DDX60: variants seen among roughly 807,000 people sequenced by gnomAD.
DDX60 encodes the protein probable ATP-dependent RNA helicase DDX60.
A neutral mutation model predicts 212.8 loss-of-function variants in DDX60; 165 were observed. The ratio of observed to expected loss-of-function variants is 0.78; its 90% confidence interval spans 0.68 to 0.88. The LOEUF (loss-of-function observed/expected upper bound fraction) is 0.88. DDX60 is among the 40% of genes least tolerant of loss of function. The probability of loss-of-function intolerance (pLI) is 0.00; values close to 1 mark genes in which losing one functional copy is unlikely to be tolerated. For missense variants in DDX60, 1,905 were observed against 2,003.9 expected (o/e 0.95, Z 0.94); for synonymous variants, 703 against 685.3 (o/e 1.03, Z -0.40).
intron 26 of DDX60, 85 bp downstream of exon 26, chr4:168,255,626 A>G: frequency 8.4e-7 from 1 of 1,197,566 alleles, no homozygotes. Context: ...ACTTATTTAT[A>G]GAACATATTC....
intron 29 of DDX60, among the ~76,000 whole-genome samples, chr4:168,247,392 AG>A (rs1734058704): frequency 6.6e-6 from 1 of 152,190 alleles, no homozygotes; most frequent in Admixed American, 6.5e-5. Context: ...AATAAAAAGC[AG>A]GGGTTGTTAA....
At chr4:168,227,447 C>T (rs1733296692) in intron 33 of DDX60, among the ~76,000 whole-genome samples, 1 of 151,884 alleles carries the variant, frequency 6.6e-6, no homozygotes, top group Admixed American at 6.6e-5. Context: ...TGCTTTTACT[C>T]CCTTATTCTT....
At chr4:168,307,927 G>GA in intron 4 of DDX60, 79 bp downstream of exon 4, 1 of 821,916 alleles carries the variant, frequency 1.2e-6, no homozygotes, top group Non-Finnish European at 1.7e-6. Context: ...TTTGTAATAA[G>GA]AAAAATATAT....
At chr4:168,296,897 G>A (rs1324161487) in intron 6 of DDX60, among the ~76,000 whole-genome samples, 3 of 141,482 alleles carry the variant, frequency 2.1e-5, no homozygotes, top group East Asian at 2.0e-4. Context: ...TTTTTGAGGC[G>A]GAGTCTCACT....
intron 20 of DDX60, among the ~76,000 whole-genome samples, 197 bp downstream of exon 20, chr4:168,268,657 A>G (rs1734954851): frequency 6.8e-6 from 1 of 146,410 alleles, no homozygotes; most frequent in Admixed American, 6.8e-5. Flanking sequence ...TAGGTGGGGA[A>G]GTCCTTAATT....
intron 6 of DDX60, among the ~76,000 whole-genome samples, chr4:168,298,354 AAAAC>A (rs142470605): frequency 0.034 from 5,182 of 152,280 alleles, 175 homozygotes; most frequent in African/African-American, 0.085. Flanking sequence ...ACACACAACT[AAAAC>A]AAAGTGATTC....
chr4:168,311,538 G>A (rs910406554), intron 1 of DDX60, among the ~76,000 whole-genome samples, 173 bp from the exon 2 acceptor site: 3 of 152,068 alleles, frequency 2.0e-5, no homozygotes, highest in African/African-American at 7.2e-5. Context: ...TAGAAACAAT[G>A]GAACATTGCA....
intron 3 of DDX60, among the ~76,000 whole-genome samples, chr4:168,310,620 G>A (rs993820531): frequency 6.6e-6 from 1 of 152,074 alleles, no homozygotes; most frequent in Non-Finnish European, 1.5e-5. Context: ...GATAGGATGG[G>A]TGCAAACTTC....
intron 33 of DDX60, 80 bp from the exon 34 acceptor site, chr4:168,225,756 GAACATTGC>G: frequency 1.5e-6 from 2 of 1,302,324 alleles, no homozygotes; most frequent in Non-Finnish European, 2.1e-6. Flanking sequence ...GAAAGGTAAA[GAACATTGC>G]AATATAATTC....
chr4:168,305,391 T>C (rs997650610), intron 5 of DDX60, among the ~76,000 whole-genome samples: 5 of 152,168 alleles, frequency 3.3e-5, no homozygotes, highest in Non-Finnish European at 7.4e-5. Flanking sequence ...CAGTGACAAA[T>C]GTTAATTGTC....
chr4:168,231,136 T>G (rs1240149795), intron 33 of DDX60, among the ~76,000 whole-genome samples: 1 of 151,634 alleles, frequency 6.6e-6, no homozygotes, highest in Admixed American at 6.6e-5. Context: ...AATATACAAA[T>G]CTCCTAGATT....
At chr4:168,221,011 A>C (rs1299032655) in intron 36 of DDX60, among the ~76,000 whole-genome samples, 1 of 152,180 alleles carries the variant, frequency 6.6e-6, no homozygotes, top group Non-Finnish European at 1.5e-5. Flanking sequence ...TTGGAACTAG[A>C]GACTCAAAAG....
the DDX60 span, among the ~76,000 whole-genome samples, chr4:168,325,215 G>C: frequency 6.6e-6 from 1 of 152,098 alleles, no homozygotes; most frequent in African/African-American, 2.4e-5. Flanking sequence ...TTTTAGTTTT[G>C]ATTTTTCTCT....
rs58664687 is a variant in DDX60 at position 168,292,049 on chromosome 4, C to CTTTCCT, written c.883-144_883-143insAGGAAA. ...CCTTTCTTTCTTTCTTTCTTTCTTT[C>CTTTCCT]TTTTTTTTTTTTTTTTTGAGACAGA... On this transcript the variant is annotated intron_variant, in intron 7 of 37. Transcript: ENST00000393743. 1,570 of 303,068 alleles carry CTTTCCT rather than the reference C, an allele frequency of 5.2e-3. 7 individuals are homozygous for CTTTCCT. Among genetic ancestry groups the CTTTCCT allele is most frequent in the Middle Eastern group, 9.2e-3 (10 of 1,082 alleles). The allele number at this position is 303,068 out of a possible 1,614,324, so 18.8% of individuals were successfully genotyped here. A position where few individuals can be genotyped will look rare whatever the true frequency, so the allele number is the denominator to read the frequency against.
chr4:168,317,693 G>T (rs907429196), intron 1 of DDX60, among the ~76,000 whole-genome samples: 3 of 152,148 alleles, frequency 2.0e-5, no homozygotes, highest in Admixed American at 2.0e-4. Context: ...GTTATATTAT[G>T]TAAGACTTCA....
chr4:168,310,985 T>C lies in DDX60; in HGVS notation c.74+13A>G, dbSNP rs376256619. ...CTATGATTTCCCGTCTTTATTACTA[T>C]AATAATACTCACTCAGCTTTTGGCA... On this transcript the variant is annotated intron_variant, in intron 3 of 37. Transcript: ENST00000393743. The C allele has an allele frequency of 1.9e-5, 28 of 1,473,322 alleles. No homozygotes were observed. In the South Asian group the frequency reaches 2.8e-4, roughly 15 times the overall value. The allele number at this position is 1,473,322 out of a possible 1,614,324, so 91.3% of individuals were successfully genotyped here.
chr4:168,237,499 T>A (rs561107503), intron 31 of DDX60, 72 bp from the exon 32 acceptor site: 1 of 1,412,876 alleles, frequency 7.1e-7, no homozygotes, highest in South Asian at 1.6e-5. Flanking sequence ...AAGTACCAGT[T>A]TAAAATAGTA....
At position 168,237,281 on chromosome 4, in the gene DDX60, C is replaced by T. The variant is rs751118344; in HGVS notation, c.4411+5G>A. The T allele has an allele frequency of 3.3e-6, 5 of 1,524,164 alleles. No homozygotes were observed. The Admixed American group carries it at 1.0e-4, about 31-fold the overall frequency. 94.4% of individuals were successfully genotyped at this position (1,524,164 alleles called of 1,614,324 possible). A position where few individuals can be genotyped will look rare whatever the true frequency, so the allele number is the denominator to read the frequency against. On this transcript the variant is annotated splice_donor_5th_base_variant and intron_variant, in intron 32 of 37. Transcript: ENST00000393743. ...CTACATATATATATAAAATCTCAAG[C>T]TTACCTTTCCTGGTTGGCTGACAGA...
At chr4:168,223,906 A>G (rs1443750675) in intron 35 of DDX60, among the ~76,000 whole-genome samples, 2 of 152,088 alleles carry the variant, frequency 1.3e-5, no homozygotes, top group African/African-American at 4.8e-5. Flanking sequence ...GACTGTAAGT[A>G]GTATTTACAG....
Sources: allele counts gnomAD v4.1 joint callset (sites outside exome capture counted in the v4.1 genomes callset), GRCh38; gene constraint gnomAD v4.1.1; transcripts MANE v1.5; gene names NCBI Gene and HGNC (gene_info 2026-07-23, HGNC 2026-07-21).